TNRC6A: variants seen among roughly 807,000 people sequenced by gnomAD.
TNRC6A encodes trinucleotide repeat containing adaptor 6A.
A neutral mutation model predicts 221.2 loss-of-function variants in TNRC6A; 44 were observed. The observed-to-expected ratio is 0.20, with a 90% CI of 0.16 to 0.26. The LOEUF (loss-of-function observed/expected upper bound fraction) is 0.26. TNRC6A is among the 10% of genes least tolerant of loss of function. TNRC6A has a pLI of 1.00. For synonymous variants in TNRC6A, 847 were observed against 838.5 expected, an observed-to-expected ratio of 1.01 and a Z score of -0.18; for missense variants, 2,199 against 2,404.4, an observed-to-expected ratio of 0.91 and a Z score of 1.79.
At chr16:24,725,232 T>C (rs1480098888), upstream of TNRC6A, among the ~76,000 whole-genome samples, 2 of 152,080 alleles carry the variant, frequency 1.3e-5, no homozygotes, top group African/African-American at 4.8e-5. Flanking sequence ...TGCAGTAGCA[T>C]TATCTTGGCT....
chr16:24,614,099 A>T (rs1361475502), intron 1 of TNRC6A, among the ~76,000 whole-genome samples: 1 of 152,166 alleles, frequency 6.6e-6, no homozygotes, highest in Non-Finnish European at 1.5e-5. Flanking sequence ...TTCGTGGATG[A>T]TCTCACCCAG....
intron 17 of TNRC6A, 26 bp from the exon 18 acceptor site, chr16:24,809,324 T>C: frequency 6.7e-7 from 1 of 1,483,764 alleles, no homozygotes; most frequent in Non-Finnish European, 9.0e-7. Flanking sequence ...TTTTCTAAGG[T>C]TTTGTTTTGT....
intron 2 of TNRC6A, chr16:24,665,092 G>T: frequency 2.4e-6 from 1 of 416,654 alleles, no homozygotes; most frequent in Non-Finnish European, 4.9e-6. Context: ...TAGAGACAAG[G>T]TCTCACTCTG....
At chr16:24,743,099 G>A (rs1047690191) in intron 2 of TNRC6A, among the ~76,000 whole-genome samples, 1 of 152,156 alleles carries the variant, frequency 6.6e-6, no homozygotes, top group Admixed American at 6.5e-5. Flanking sequence ...CCTTACCACA[G>A]CCTTGTACCA....
At chr16:24,706,675 G>C (rs1253427325) in intron 2 of TNRC6A, among the ~76,000 whole-genome samples, 1 of 134,942 alleles carries the variant, frequency 7.4e-6, no homozygotes, top group Admixed American at 8.4e-5. Flanking sequence ...CTGGGTGACA[G>C]AGCGAGACTC....
intron 2 of TNRC6A, among the ~76,000 whole-genome samples, chr16:24,700,913 T>C (rs181617309): frequency 5.3e-5 from 8 of 152,318 alleles, no homozygotes; most frequent in African/African-American, 1.4e-4. Flanking sequence ...TTCACAGACA[T>C]GTTTCTCTCG....
chr16:24,652,185 C>T (rs1466858131), intron 2 of TNRC6A, among the ~76,000 whole-genome samples: 3 of 151,946 alleles, frequency 2.0e-5, no homozygotes, highest in Non-Finnish European at 4.4e-5. Context: ...ATGTATTACT[C>T]ATATAATTAA....
intron 18 of TNRC6A, among the ~76,000 whole-genome samples, chr16:24,814,449 C>T (rs1282981820): frequency 8.7e-6 from 1 of 114,704 alleles, no homozygotes; most frequent in African/African-American, 4.1e-5. Context: ...TTGCCCTCTT[C>T]CCAGGCTAGA....
intron 1 of TNRC6A, among the ~76,000 whole-genome samples, chr16:24,635,064 C>CTTTCTTTCTT (rs1183463268): frequency 6.6e-6 from 1 of 151,724 alleles, no homozygotes; most frequent in African/African-American, 2.4e-5. Flanking sequence ...AGTGAGTCAC[C>CTTTCTTTCTT]TTTCTTTCTT....
rs1353308819 is a variant in TNRC6A at position 24,824,892 on chromosome 16, CAAAAA to C, written c.*1088_*1092del. On this transcript the variant is annotated 3_prime_UTR_variant, in exon 25 of 25. Coordinates refer to ENST00000395799, the MANE Select transcript of TNRC6A (RefSeq NM_014494.4). ...TTCTCTGCCAAAAAAAAAGAAAAAACAAAAAAACGCTTAAAGCTGGAGTTTGACAT... is the reference window on the plus strand; with the variant it reads ...TTCTCTGCCAAAAAAAAAGAAAAAACAACGCTTAAAGCTGGAGTTTGACAT... The C allele has an allele frequency of 6.6e-6, 1 of 151,710 alleles. No individual in the cohort carries two copies. The highest frequency in any genetic ancestry group is 1.5e-5 in the Non-Finnish European group (1 of 67,848). The allele number at this position is 151,710 out of a possible 1,614,324, so 9.4% of individuals were successfully genotyped here.
In TNRC6A at chr16:24,729,710, G is replaced by GGCGGCA. The variant is rs938228269; in HGVS notation, c.-127_-126insAGCGGC. 11 of 1,092,976 alleles carry GGCGGCA rather than the reference G, an allele frequency of 1.0e-5. No individual in the cohort carries two copies. The East Asian group carries it at 1.3e-4, about 13-fold the overall frequency. 67.7% of individuals were successfully genotyped at this position (1,092,976 alleles called of 1,614,324 possible). ...CGGCGGCGGCGGCGGCGGCGGCGGCGGCGGCGGCAGCGGGTCGGTGTAGAA... is the reference window on the plus strand; with the variant it reads ...CGGCGGCGGCGGCGGCGGCGGCGGCGGCGGCAGCGGCGGCAGCGGGTCGGTGTAGAA... On this transcript the variant is annotated 5_prime_UTR_variant, in exon 1 of 25. Transcript: ENST00000395799.
At chr16:24,714,302 CTTT>C (rs60469088) in intron 2 of TNRC6A, among the ~76,000 whole-genome samples, 19 of 71,294 alleles carry the variant, frequency 2.7e-4, no homozygotes, top group African/African-American at 1.1e-3. Context: ...TGCTGTTAAT[CTTT>C]TTTTTTTTTT....
rs146984270 is a variant in TNRC6A at position 24,774,015 on chromosome 16, T to C, written c.164-2918T>C. Among the ~76,000 whole-genome samples, 1,419 of 152,332 alleles carry C rather than the reference T, an allele frequency of 9.3e-3. 17 individuals are homozygous for C. Among genetic ancestry groups the C allele is most frequent in the Admixed American group, 0.019 (291 of 15,300 alleles). On this transcript the variant is annotated intron_variant, in intron 4 of 24. Transcript: ENST00000395799. ...TGACACAGATAATTGGGGGCTTCTA[T>C]TTAGCATCCTAGTTTGCATTAACCA... is the stretch of plus-strand genomic sequence containing the variant.
At chr16:24,769,859 G>A (rs1170999696) in intron 4 of TNRC6A, among the ~76,000 whole-genome samples, 1 of 152,066 alleles carries the variant, frequency 6.6e-6, no homozygotes, top group Non-Finnish European at 1.5e-5. Flanking sequence ...GTTTTGCATA[G>A]ATCCAGTCAC....
chr16:24,648,413 G>T (rs1045536148), intron 2 of TNRC6A, among the ~76,000 whole-genome samples: 2 of 151,878 alleles, frequency 1.3e-5, no homozygotes, highest in Non-Finnish European at 2.9e-5. Context: ...TAGGACTACA[G>T]GTGCCCACCA....
At chr16:24,813,137 A>G (rs1296428847) in intron 18 of TNRC6A, among the ~76,000 whole-genome samples, 3 of 152,028 alleles carry the variant, frequency 2.0e-5, no homozygotes, top group African/African-American at 2.4e-5. Flanking sequence ...TCGGCCTCCC[A>G]AAGTGCTGGG....
intron 4 of TNRC6A, among the ~76,000 whole-genome samples, chr16:24,775,519 G>C (rs959070905): frequency 1.3e-5 from 2 of 152,192 alleles, no homozygotes; most frequent in African/African-American, 4.8e-5. Context: ...AGGGAGGCTA[G>C]AGCTGAGAGT....
At chr16:24,701,822 C>T (rs1329933191) in intron 2 of TNRC6A, among the ~76,000 whole-genome samples, 1 of 152,148 alleles carries the variant, frequency 6.6e-6, no homozygotes, top group Non-Finnish European at 1.5e-5. Context: ...TGAACCCATC[C>T]TTTCCTCCTT....
At chr16:24,653,183 G>A (rs1366881827) in intron 2 of TNRC6A, among the ~76,000 whole-genome samples, 1 of 152,020 alleles carries the variant, frequency 6.6e-6, no homozygotes, top group Non-Finnish European at 1.5e-5. Context: ...CCCCAACAAA[G>A]ACAGCATGAT....
Sources: allele counts gnomAD v4.1 joint callset (sites outside exome capture counted in the v4.1 genomes callset), GRCh38; gene constraint gnomAD v4.1.1; transcripts MANE v1.5; gene names NCBI Gene and HGNC (gene_info 2026-07-23, HGNC 2026-07-21).